SLC2A13: variants seen among roughly 807,000 people sequenced by gnomAD.
SLC2A13 encodes solute carrier family 2 member 13.
A neutral mutation model predicts 64.4 loss-of-function variants in SLC2A13; 32 were observed. The observed-to-expected ratio is 0.50, with a 90% CI of 0.37 to 0.67. The LOEUF (loss-of-function observed/expected upper bound fraction) is 0.67. SLC2A13 is among the 30% of genes least tolerant of loss of function. The pLI, the probability that SLC2A13 is intolerant of heterozygous loss-of-function variation, is 0.00. For missense variants in SLC2A13, 743 were observed against 829.2 expected (o/e 0.90, Z 1.28); for synonymous variants, 338 against 327.1 (o/e 1.03, Z -0.36).
chr12:39,780,067 T>C (rs1006474159), intron 7 of SLC2A13, among the ~76,000 whole-genome samples: 3 of 152,260 alleles, frequency 2.0e-5, no homozygotes, highest in Non-Finnish European at 2.9e-5. Context: ...CTTGAGTAGA[T>C]GTAAATTCCT....
At chr12:39,789,517 C>A (rs1002181038) in intron 7 of SLC2A13, among the ~76,000 whole-genome samples, 1 of 152,066 alleles carries the variant, frequency 6.6e-6, no homozygotes, top group African/African-American at 2.4e-5. Flanking sequence ...TTTAACATAT[C>A]TCCAGGTACA....
intron 3 of SLC2A13, among the ~76,000 whole-genome samples, chr12:40,026,408 T>C (rs1334567128): frequency 6.6e-6 from 1 of 152,158 alleles, no homozygotes. Context: ...CCCAAAGACT[T>C]CTGATAAAAA....
At chr12:39,939,406 C>T (rs944873122) in intron 4 of SLC2A13, among the ~76,000 whole-genome samples, 14 of 152,298 alleles carry the variant, frequency 9.2e-5, no homozygotes, top group Admixed American at 7.8e-4. Flanking sequence ...TAGTGAGTTA[C>T]CTACCTGCCA....
At chr12:39,773,735 A>T (rs1028161463) in intron 7 of SLC2A13, among the ~76,000 whole-genome samples, 1 of 152,214 alleles carries the variant, frequency 6.6e-6, no homozygotes, top group Non-Finnish European at 1.5e-5. Flanking sequence ...GAGTAGAGGA[A>T]AAGAAATATG....
chr12:40,043,250 T>C lies in SLC2A13; in HGVS notation c.716+4801A>G, dbSNP rs191811035. ...ATTTACTGATAAGCCAGGATTTAAC[T>C]AAGCAATTTTCAAAAAAGGATATTT... is the stretch of plus-strand genomic sequence containing the variant. On this transcript the variant is annotated intron_variant, in intron 2 of 9. Coordinates refer to ENST00000280871, the MANE Select transcript of SLC2A13 (RefSeq NM_052885.4). Among the ~76,000 whole-genome samples, 10 of 152,306 alleles carry C rather than the reference T, an allele frequency of 6.6e-5. No individual in the cohort carries two copies. The East Asian group carries it at 1.5e-3, about 24-fold the overall frequency.
At chr12:40,091,564 CCTTT>C (rs1236565245) in intron 1 of SLC2A13, among the ~76,000 whole-genome samples, 2 of 152,072 alleles carry the variant, frequency 1.3e-5, no homozygotes, top group African/African-American at 2.4e-5. Flanking sequence ...CATTAAATTC[CCTTT>C]CTTTTTGTAC....
chr12:39,928,303 G>C (rs1393672234), intron 4 of SLC2A13, among the ~76,000 whole-genome samples: 1 of 151,984 alleles, frequency 6.6e-6, no homozygotes, highest in Admixed American at 6.6e-5. Flanking sequence ...ACTCATATTA[G>C]AGAATTCTAT....
intron 3 of SLC2A13, among the ~76,000 whole-genome samples, chr12:39,985,739 C>G (rs1269703491): frequency 1.3e-5 from 2 of 152,128 alleles, no homozygotes; most frequent in Admixed American, 6.6e-5. Flanking sequence ...GACTTGAGAT[C>G]ACAGGCAGCT....
intron 9 of SLC2A13, among the ~76,000 whole-genome samples, chr12:39,763,467 G>T (rs1414322238): frequency 6.6e-6 from 1 of 152,014 alleles, no homozygotes; most frequent in East Asian, 1.9e-4. Flanking sequence ...GTGCTTATCA[G>T]GTGAACAGGA....
At chr12:39,906,216 TA>T (rs1188766492) in intron 4 of SLC2A13, among the ~76,000 whole-genome samples, 1 of 152,162 alleles carries the variant, frequency 6.6e-6, no homozygotes, top group African/African-American at 2.4e-5. Flanking sequence ...TTGAAGTCAG[TA>T]ATTCCAACTA....
At chr12:39,786,077 A>G (rs912318788) in intron 7 of SLC2A13, among the ~76,000 whole-genome samples, 1 of 151,458 alleles carries the variant, frequency 6.6e-6, no homozygotes, top group Non-Finnish European at 1.5e-5. Flanking sequence ...TTGGGAAGGC[A>G]TGATTAGTTT....
chr12:39,872,302 T>C (rs545179119), intron 4 of SLC2A13, among the ~76,000 whole-genome samples: 2 of 152,330 alleles, frequency 1.3e-5, no homozygotes, highest in East Asian at 3.9e-4. Flanking sequence ...AATAAGGTTA[T>C]GTTATATTAA....
At chr12:39,810,831 T>C (rs1430346907) in intron 7 of SLC2A13, among the ~76,000 whole-genome samples, 1 of 152,116 alleles carries the variant, frequency 6.6e-6, no homozygotes, top group African/African-American at 2.4e-5. Context: ...TGGATTCAAT[T>C]TGAGAATTTT....
intron 1 of SLC2A13, among the ~76,000 whole-genome samples, chr12:40,079,505 G>C (rs1202641387): frequency 1.3e-5 from 2 of 152,194 alleles, no homozygotes; most frequent in East Asian, 1.9e-4. Flanking sequence ...TTTTTGTTGA[G>C]AATTGCTTTA....
At chr12:40,099,533 ATCC>A (rs1395551854) in intron 1 of SLC2A13, among the ~76,000 whole-genome samples, 1 of 152,228 alleles carries the variant, frequency 6.6e-6, no homozygotes, top group African/African-American at 2.4e-5. Context: ...TAAGTTTATA[ATCC>A]ATAAGAGGGC....
At chr12:39,867,463 CA>C (rs1943938895) in intron 5 of SLC2A13, among the ~76,000 whole-genome samples, 1 of 150,312 alleles carries the variant, frequency 6.7e-6, no homozygotes, top group African/African-American at 2.4e-5. Flanking sequence ...TTGAAAAAAA[CA>C]AAAACAAAAA....
At chr12:40,069,647 AAAG>A (rs1163224022) in intron 1 of SLC2A13, among the ~76,000 whole-genome samples, 1 of 152,120 alleles carries the variant, frequency 6.6e-6, no homozygotes, top group Admixed American at 6.6e-5. Context: ...TTGAAAAAAA[AAAG>A]GACAGAAGGG....
chr12:39,777,192 T>C lies in SLC2A13; in HGVS notation c.1446-12334A>G, dbSNP rs571122718. On this transcript the variant is annotated intron_variant, in intron 7 of 9. Coordinates refer to ENST00000280871, the MANE Select transcript of SLC2A13 (RefSeq NM_052885.4). ...TCCCGCTTCCTTTTATTTCTTGCCATAATGAGCCAATCATATGAGGGACTT... is the reference window on the plus strand; with the variant it reads ...TCCCGCTTCCTTTTATTTCTTGCCACAATGAGCCAATCATATGAGGGACTT... Among the ~76,000 whole-genome samples the C allele has an allele frequency of 3.3e-5, 5 of 152,320 alleles. No individual in the cohort carries two copies. The East Asian group carries it at 5.8e-4, about 18-fold the overall frequency.
chr12:39,863,489 C>A (rs1251866943), intron 6 of SLC2A13, among the ~76,000 whole-genome samples: 1 of 152,036 alleles, frequency 6.6e-6, no homozygotes, highest in African/African-American at 2.4e-5. Flanking sequence ...GGAGAATATT[C>A]TATGATTCTC....
Sources: gnomAD v4.1 joint callset for allele counts (sites outside exome capture counted in the v4.1 genomes callset) on GRCh38, gnomAD v4.1.1 for gene constraint, MANE v1.5 for transcripts, NCBI Gene and HGNC (gene_info 2026-07-23, HGNC 2026-07-21) for gene names.